The following SENP6 variants were observed in gnomAD, a reference collection of about 807,000 sequenced individuals.
The protein encoded by SENP6 is SUMO specific peptidase 6.
A neutral mutation model predicts 134.5 loss-of-function variants in SENP6; 41 were observed. The observed-to-expected ratio is 0.30, with a 90% CI of 0.24 to 0.40. The LOEUF (loss-of-function observed/expected upper bound fraction) is 0.40, where lower values mean the gene tolerates loss of function less well. SENP6 is among the 10% of genes least tolerant of loss of function. The pLI is 1.00. For missense variants in SENP6, 1,248 were observed against 1,312.5 expected, an observed-to-expected ratio of 0.95 and a Z score of 0.76; for synonymous variants, 395 against 429.8, an observed-to-expected ratio of 0.92 and a Z score of 1.00.
At chr6:75,666,401 G>C (rs1407111084) in intron 9 of SENP6, among the ~76,000 whole-genome samples, 1 of 150,350 alleles carries the variant, frequency 6.7e-6, no homozygotes, top group Non-Finnish European at 1.5e-5. Context: ...TAGACCTACT[G>C]TTCTTCTTGT....
chr6:75,607,378 T>C (rs1386501762), intron 1 of SENP6, among the ~76,000 whole-genome samples: 3 of 152,110 alleles, frequency 2.0e-5, no homozygotes, highest in African/African-American at 7.2e-5. Context: ...TAGGAGATGA[T>C]TGGAATAGAG....
At chr6:75,693,147 C>T (rs1022185501) in intron 16 of SENP6, among the ~76,000 whole-genome samples, 1 of 152,088 alleles carries the variant, frequency 6.6e-6, no homozygotes, top group Non-Finnish European at 1.5e-5. Flanking sequence ...CGCCTATAAT[C>T]CCAGCATTTT....
chr6:75,701,551 A>G (rs1775027029), intron 18 of SENP6, among the ~76,000 whole-genome samples: 1 of 150,746 alleles, frequency 6.6e-6, no homozygotes, highest in Non-Finnish European at 1.5e-5. Context: ...CAGTAACAGT[A>G]AAAAGAACAA....
rs757547841 is a variant in SENP6, at chr6:75,677,239, G to A, written c.1831G>A (p.Glu611Lys). ...CATCAAAGGAAGTTGTGGGCAAAAG[G>A]AAAACAAAATTAAAACTGTAATTAT... is the stretch of plus-strand genomic sequence containing the variant. Reference protein sequence around the residue: ...ESIKGSCGQKENKIKTVSFES... With the variant: ...ESIKGSCGQKKNKIKTVSFES... The change falls in exon 14 of 24, where the codon GAA (glutamate) becomes AAA (lysine). Residue 611 changes from glutamate to lysine, a missense_variant. Physicochemically the swap from Glu to Lys is moderately conservative, Grantham distance 56. Around this residue, in one of 3 missense-constraint regions of SENP6, gnomAD observed 733 missense variants for 725.4 expected, o/e 1.01. Transcript: ENST00000447266. 5.7e-6 allele frequency: 9 copies of A among 1,582,900 alleles called. 1 individual carries two copies. The South Asian group carries it at 1.1e-4, about 19-fold the overall frequency.
chr6:75,689,934 T>C (rs1774119260), intron 16 of SENP6, among the ~76,000 whole-genome samples: 1 of 152,130 alleles, frequency 6.6e-6, no homozygotes, highest in Non-Finnish European at 1.5e-5. Flanking sequence ...TCTTTTTGTT[T>C]TGAGTTAGGG....
At chr6:75,635,451 A>G (rs924269693) in intron 5 of SENP6, among the ~76,000 whole-genome samples, 1 of 152,166 alleles carries the variant, frequency 6.6e-6, no homozygotes, top group South Asian at 2.1e-4. Flanking sequence ...AAGATTTGGC[A>G]TATATTTTAG....
chr6:75,692,692 C>CTAG (rs1774359146), intron 16 of SENP6, among the ~76,000 whole-genome samples: 1 of 151,986 alleles, frequency 6.6e-6, no homozygotes, highest in Non-Finnish European at 1.5e-5. Flanking sequence ...GCTTCCCAGG[C>CTAG]TAGTGCCTGA....
intron 1 of SENP6, among the ~76,000 whole-genome samples, chr6:75,606,774 A>G (rs1322601758): frequency 6.9e-6 from 1 of 144,116 alleles, no homozygotes; most frequent in African/African-American, 2.5e-5. Context: ...ATTTGCAAAT[A>G]TTCCAAAATC....
intron 8 of SENP6, among the ~76,000 whole-genome samples, chr6:75,661,145 C>T (rs924207731): frequency 3.3e-5 from 5 of 152,158 alleles, no homozygotes; most frequent in African/African-American, 1.2e-4. Context: ...ATATTAGAAT[C>T]CATAAGTTCA....
intron 1 of SENP6, among the ~76,000 whole-genome samples, chr6:75,604,625 CAA>C (rs536476652): frequency 3.0e-5 from 4 of 134,296 alleles, no homozygotes; most frequent in African/African-American, 5.7e-5. Flanking sequence ...ATTCTGTCTC[CAA>C]AAAAAAAAAG....
At chr6:75,645,769 C>T in intron 6 of SENP6, among the ~76,000 whole-genome samples, 1 of 124,728 alleles carries the variant, frequency 8.0e-6, no homozygotes, top group Middle Eastern at 4.1e-3. Context: ...TTAAGATACT[C>T]TGTTTCTTTA....
intron 19 of SENP6, among the ~76,000 whole-genome samples, chr6:75,704,480 A>G (rs1027649928): frequency 4.6e-5 from 7 of 152,230 alleles, no homozygotes; most frequent in Admixed American, 3.9e-4. Flanking sequence ...TGCTGCCAAC[A>G]TGTCTCGCCT....
intron 1 of SENP6, among the ~76,000 whole-genome samples, chr6:75,615,643 T>A: frequency 6.6e-6 from 1 of 152,250 alleles, no homozygotes; most frequent in East Asian, 1.9e-4. Flanking sequence ...TATATCTGTC[T>A]TTTTGTGAGA....
chr6:75,634,023 A>G (rs371941676), intron 4 of SENP6, among the ~76,000 whole-genome samples: 1 of 152,204 alleles, frequency 6.6e-6, no homozygotes, highest in African/African-American at 2.4e-5. Flanking sequence ...AAGAAGCACA[A>G]TAGAGTGGTG....
chr6:75,628,244 T>C (rs922862888), intron 3 of SENP6, among the ~76,000 whole-genome samples: 4 of 152,158 alleles, frequency 2.6e-5, no homozygotes, highest in African/African-American at 9.7e-5. Flanking sequence ...TATACTTTTA[T>C]GTAATTGAAA....
intron 1 of SENP6, chr6:75,611,047 C>T (rs1160985460): frequency 7.8e-6 from 1 of 127,478 alleles, no homozygotes; most frequent in African/African-American, 2.8e-5. Flanking sequence ...GTTTAGTAAC[C>T]TTGTTGTTTC....
At chr6:75,679,169 T>A (rs1773292321) in intron 16 of SENP6, 2 of 323,850 alleles carry the variant, frequency 6.2e-6, no homozygotes, top group Non-Finnish European at 5.6e-6. Flanking sequence ...ATCCTGACAC[T>A]TTGGGAGGTC....
chr6:75,709,501 T>C, intron 19 of SENP6, 26 bp from the exon 20 acceptor site: 1 of 1,512,244 alleles, frequency 6.6e-7, no homozygotes, highest in East Asian at 2.3e-5. Context: ...GCCTTTTTTA[T>C]TATGTAATGT....
intron 5 of SENP6, among the ~76,000 whole-genome samples, chr6:75,636,678 C>T (rs1224048556): frequency 2.0e-5 from 3 of 152,032 alleles, no homozygotes; most frequent in Non-Finnish European, 4.4e-5. Flanking sequence ...ATAAAGGAAA[C>T]ATTAAAGGAG....
Sources: gnomAD v4.1 joint callset for allele counts (sites outside exome capture counted in the v4.1 genomes callset) on GRCh38, gnomAD v4.1.1 for gene constraint, gnomAD v4.1.1 regional missense constraint, MANE v1.5 for transcripts, NCBI Gene and HGNC (gene_info 2026-07-23, HGNC 2026-07-21) for gene names.